Variants in MYRFL observed in about 807,000 individuals in gnomAD.
The protein encoded by MYRFL is myelin regulatory factor-like protein.
Under a neutral mutation model 109.4 loss-of-function variants are expected in MYRFL, and 88 were observed. That is an observed-to-expected ratio of 0.80 (90% confidence interval 0.68 to 0.96). MYRFL has a LOEUF of 0.96. Ranked by LOEUF, MYRFL falls within the 40% of genes least tolerant of loss-of-function variation. The probability of loss-of-function intolerance (pLI) is 0.00; values close to 1 mark genes in which losing one functional copy is unlikely to be tolerated. For missense variants in MYRFL, 957 were observed against 954.9 expected (o/e 1.00, Z -0.03); for synonymous variants, 324 against 320.9 (o/e 1.01, Z -0.10).
intron 19 of MYRFL, among the ~76,000 whole-genome samples, chr12:69,950,665 G>A (rs1480242412): frequency 2.0e-5 from 3 of 152,210 alleles, no homozygotes; most frequent in African/African-American, 7.2e-5. Context: ...GCAGATGCTA[G>A]CTCAGTAGAA....
At chr12:69,854,250 C>T (rs1884123010) in intron 1 of MYRFL, among the ~76,000 whole-genome samples, 1 of 151,134 alleles carries the variant, frequency 6.6e-6, no homozygotes, top group African/African-American at 2.4e-5. Flanking sequence ...CAGGCTGAGG[C>T]AGGAGAATCA....
intron 11 of MYRFL, among the ~76,000 whole-genome samples, chr12:69,907,225 A>T (rs1592802007): frequency 6.6e-6 from 1 of 152,348 alleles, no homozygotes; most frequent in Middle Eastern, 3.4e-3. Flanking sequence ...GAACATTGTC[A>T]TATAAAATGT....
chr12:69,850,274 A>C (rs1336505358), intron 1 of MYRFL, among the ~76,000 whole-genome samples: 1 of 152,102 alleles, frequency 6.6e-6, no homozygotes, highest in African/African-American at 2.4e-5. Context: ...TAGCATGAAA[A>C]CAGACTAATA....
chr12:69,848,342 A>T (rs1883680326), intron 1 of MYRFL, among the ~76,000 whole-genome samples: 1 of 151,982 alleles, frequency 6.6e-6, no homozygotes, highest in Non-Finnish European at 1.5e-5. Flanking sequence ...TTGATTGTAG[A>T]TATATTAAAT....
chr12:69,946,052 G>A (rs1274760765), intron 19 of MYRFL, among the ~76,000 whole-genome samples: 2 of 144,190 alleles, frequency 1.4e-5, no homozygotes, highest in Admixed American at 1.4e-4. Flanking sequence ...GTGTAATCAT[G>A]TCCATAAGAT....
At chr12:69,938,764 C>CATT (rs1175352944) in intron 19 of MYRFL, among the ~76,000 whole-genome samples, 1 of 152,170 alleles carries the variant, frequency 6.6e-6, no homozygotes, top group African/African-American at 2.4e-5. Flanking sequence ...GTGATTTCTG[C>CATT]ATTTCCCTCT....
intron 2 of MYRFL, among the ~76,000 whole-genome samples, chr12:69,878,151 G>T (rs1885803693): frequency 6.8e-6 from 1 of 147,028 alleles, no homozygotes; most frequent in Admixed American, 7.0e-5. Context: ...GCTGAGTCAG[G>T]ATAATCACTT....
At chr12:69,830,941 A>C (rs1882593067) in intron 1 of MYRFL, among the ~76,000 whole-genome samples, 1 of 152,106 alleles carries the variant, frequency 6.6e-6, no homozygotes, top group Non-Finnish European at 1.5e-5. Flanking sequence ...TTGAAGTTAG[A>C]ACCTGGTTTC....
At chr12:69,916,031 T>A (rs1954718816) in intron 13 of MYRFL, among the ~76,000 whole-genome samples, 1 of 152,144 alleles carries the variant, frequency 6.6e-6, no homozygotes, top group Admixed American at 6.5e-5. Flanking sequence ...TTTTTTTAAA[T>A]TTAAGATTGC....
chr12:69,884,117 A>G (rs989805372), intron 5 of MYRFL, among the ~76,000 whole-genome samples: 1 of 152,132 alleles, frequency 6.6e-6, no homozygotes, highest in Non-Finnish European at 1.5e-5. Context: ...TGATCTGTGT[A>G]CTCTTCTTGA....
chr12:69,948,355 C>A (rs1344670265), intron 19 of MYRFL, among the ~76,000 whole-genome samples: 1 of 152,180 alleles, frequency 6.6e-6, no homozygotes, highest in Non-Finnish European at 1.5e-5. Context: ...AAAAACCTTA[C>A]CCCACCAGGT....
intron 19 of MYRFL, among the ~76,000 whole-genome samples, chr12:69,949,560 T>C (rs1264134878): frequency 6.6e-6 from 1 of 151,764 alleles, no homozygotes; most frequent in Non-Finnish European, 1.5e-5. Context: ...CCGCGGCCCA[T>C]GGGCCGGCCA....
chr12:69,848,110 C>CATTTTAA (rs1883664556), intron 1 of MYRFL, among the ~76,000 whole-genome samples: 1 of 152,014 alleles, frequency 6.6e-6, no homozygotes. Context: ...ATACATCTAT[C>CATTTTAA]ACAAACTAAA....
chr12:69,830,206 G>T (rs1187172525), intron 1 of MYRFL, among the ~76,000 whole-genome samples: 1 of 151,546 alleles, frequency 6.6e-6, no homozygotes, highest in African/African-American at 2.4e-5. Context: ...AATCTCTAAT[G>T]GTGGAATTTT....
intron 10 of MYRFL, 52 bp downstream of exon 10, chr12:69,897,298 A>T (rs1311458226): frequency 7.5e-7 from 1 of 1,325,130 alleles, no homozygotes; most frequent in Non-Finnish European, 1.0e-6. Context: ...CCTCCTATGT[A>T]GGCAGAATTT....
Position 69,935,461 on chromosome 12 carries a change from G to A in MYRFL, c.1917-652G>A, listed in dbSNP as rs534121022. Among the ~76,000 whole-genome samples the A allele has an allele frequency of 4.6e-5, 7 of 152,298 alleles. No homozygotes were observed. The South Asian group carries it at 6.2e-4, about 14-fold the overall frequency. On this transcript the variant is annotated intron_variant, in intron 16 of 24. Coordinates refer to ENST00000552032, the MANE Select transcript of MYRFL (RefSeq NM_182530.3). ...TGTTGGGAATAGCTTCCCAAGGCTC[G>A]GAACTCTTAAGGAAAGCTTCCATTT... is the stretch of plus-strand genomic sequence containing the variant.
At position 69,954,017 on chromosome 12, in the gene MYRFL, C is replaced by T. The variant is rs1373861607; in HGVS notation, c.2375+1131C>T. Among the ~76,000 whole-genome samples the T allele has an allele frequency of 3.9e-5, 6 of 152,218 alleles. No individual in the cohort carries two copies. The East Asian group carries it at 1.2e-3, about 29-fold the overall frequency. ...GATTTATGACCTCTATGTTCATTAT[C>T]TCATTGAATTCTCACAAAATCCCCA... On this transcript the variant is annotated intron_variant, in intron 21 of 24. Coordinates refer to ENST00000552032, the MANE Select transcript of MYRFL (RefSeq NM_182530.3).
chr12:69,886,566 T>C (rs909632258), intron 5 of MYRFL, among the ~76,000 whole-genome samples: 1 of 152,158 alleles, frequency 6.6e-6, no homozygotes, highest in Non-Finnish European at 1.5e-5. Context: ...CTATGCAGGA[T>C]GTAGGGTAGA....
At chr12:69,894,587 T>G (rs1038539391) in intron 8 of MYRFL, among the ~76,000 whole-genome samples, 7 of 152,218 alleles carry the variant, frequency 4.6e-5, no homozygotes, top group African/African-American at 1.7e-4. Flanking sequence ...TAGAAGTCAT[T>G]TTTCCTTATT....
Sources: gnomAD v4.1 joint callset for allele counts (sites outside exome capture counted in the v4.1 genomes callset) on GRCh38, gnomAD v4.1.1 for gene constraint, MANE v1.5 for transcripts, NCBI Gene and HGNC (gene_info 2026-07-23, HGNC 2026-07-21) for gene names.